XPO5: variants seen among roughly 807,000 people sequenced by gnomAD.
XPO5 encodes the protein exportin-5.
In XPO5, 46 loss-of-function variants were observed where a neutral mutation model predicts 160.6. That is an observed-to-expected ratio of 0.29 (90% CI 0.23 to 0.37). The LOEUF is 0.37. Ranked by LOEUF, XPO5 falls within the 10% of genes least tolerant of loss-of-function variation. XPO5 has a pLI of 1.00. For synonymous variants in XPO5, 537 were observed against 519.3 expected, an observed-to-expected ratio of 1.03 and a Z score of -0.46; for missense variants, 1,090 against 1,463.9, an observed-to-expected ratio of 0.74 and a Z score of 4.17.
intron 14 of XPO5, among the ~76,000 whole-genome samples, chr6:43,551,908 C>A (rs1200480351): frequency 6.6e-6 from 1 of 152,016 alleles, no homozygotes; most frequent in East Asian, 1.9e-4. Flanking sequence ...TTCAAGCATT[C>A]CTCCCATCTT....
chr6:43,548,347 T>A lies in XPO5; in HGVS notation c.1974A>T (p.Gln658His), dbSNP rs201873137. ...CCTTCTGACGCTCGTAGTTCTTAAA[T>A]TGGTTGCTAATGAGAACCAGGGCTT... ...LMEALVLISN[Q>H]FKNYERQKVF... The change falls in exon 18 of 32, where the codon CAA becomes CAT. Residue 658 changes from glutamine to histidine, a missense_variant. By Grantham distance (24) the Gln-to-His change is conservative. Transcript: ENST00000265351. 4 of 1,613,734 alleles carry A rather than the reference T, an allele frequency of 2.5e-6. No homozygotes were observed. The highest frequency in any genetic ancestry group is 3.4e-6 in the Non-Finnish European group (4 of 1,179,730).
chr6:43,524,627 C>T lies in XPO5; in HGVS notation c.3321G>A (p.Arg1107=). Residue 1107 remains arginine (R), a synonymous_variant, in exon 31 of 32, where the codon AGG becomes AGA. Coordinates refer to ENST00000265351, the MANE Select transcript of XPO5 (RefSeq NM_020750.3). ...CCATTACAGCTCTTATCTCCAGGTA[C>T]CTGGGGCGCTGATATCAGCAGGGAT... The part of the protein sequence containing the change: ...AFQIYEALRP[R]YLEIRAVMEQ... The T allele has an allele frequency of 6.2e-7, 1 of 1,613,792 alleles. No individual in the cohort carries two copies. The highest frequency in any genetic ancestry group is 1.3e-5 in the African/African-American group (1 of 75,022).
At chr6:43,542,653 T>A (rs1007294411) in intron 20 of XPO5, among the ~76,000 whole-genome samples, 1 of 152,090 alleles carries the variant, frequency 6.6e-6, no homozygotes, top group African/African-American at 2.4e-5. Context: ...CTCAAACTCA[T>A]GACCTCAAGT....
At chr6:43,558,937 G>A (rs1012946007) in intron 11 of XPO5, 3 of 193,214 alleles carry the variant, frequency 1.6e-5, no homozygotes, top group African/African-American at 7.0e-5. Flanking sequence ...ACTGAACACT[G>A]AGAATAAACT....
chr6:43,542,614 C>G (rs760587942), intron 20 of XPO5, among the ~76,000 whole-genome samples: 2 of 151,734 alleles, frequency 1.3e-5, no homozygotes, highest in Admixed American at 1.3e-4. Context: ...TGAGTAGAGA[C>G]GGGGTTTCAC....
intron 20 of XPO5, among the ~76,000 whole-genome samples, chr6:43,534,953 C>T (rs1296961329): frequency 1.3e-5 from 2 of 151,964 alleles, no homozygotes; most frequent in Non-Finnish European, 2.9e-5. Context: ...CGAGATCATA[C>T]CACTGCACTC....
chr6:43,540,582 G>A (rs1278006983), intron 20 of XPO5, among the ~76,000 whole-genome samples: 4 of 152,242 alleles, frequency 2.6e-5, no homozygotes, highest in African/African-American at 9.6e-5. Flanking sequence ...GAACCTGGGA[G>A]GTAGAGGTTG....
intron 16 of XPO5, 139 bp downstream of exon 16, chr6:43,549,754 T>G: frequency 8.7e-7 from 1 of 1,152,772 alleles, no homozygotes; most frequent in Non-Finnish European, 1.2e-6. Context: ...GTATGCCCTA[T>G]AGTGGCAAAA....
chr6:43,533,883 G>A (rs1161593959), intron 21 of XPO5, 24 bp downstream of exon 21: 1 of 1,542,104 alleles, frequency 6.5e-7, no homozygotes, highest in East Asian at 2.4e-5. Flanking sequence ...TAAACCTTAG[G>A]AGAAAAAAGG....
chr6:43,526,784 G>GTTTTCC, intron 26 of XPO5, 37 bp from the exon 27 acceptor site: 6 of 1,603,770 alleles, frequency 3.7e-6, no homozygotes, highest in Non-Finnish European at 5.1e-6. Context: ...GTGAAGGGTG[G>GTTTTCC]GTATATACTA....
chr6:43,524,000 G>A lies in XPO5; in HGVS notation c.3483C>T (p.Pro1161=). 6.2e-7 allele frequency: 1 copy of A among 1,612,534 alleles called. No individual in the cohort carries two copies. Among genetic ancestry groups the A allele is most frequent in the Admixed American group, 1.7e-5 (1 of 60,000 alleles). Residue 1161 remains proline, a synonymous_variant, in exon 32 of 32, where the codon CCC becomes CCT. Coordinates refer to ENST00000265351, the MANE Select transcript of XPO5 (RefSeq NM_020750.3). ...CTTCTTTTCGGAACTGCTCTCCCAA[G>A]GGTTTCTGTGGAAAACAAATGAGAA... The part of the protein sequence containing the change: ...KRLIAGCIGK[P]LGEQFRKEVH...
At chr6:43,572,411 A>C in intron 3 of XPO5, 95 bp downstream of exon 3, 1 of 1,203,732 alleles carries the variant, frequency 8.3e-7, no homozygotes, top group Non-Finnish European at 1.2e-6. Flanking sequence ...TGACCTATTT[A>C]GAAGCAGTGA....
intron 9 of XPO5, chr6:43,561,607 G>C (rs529007115): frequency 6.5e-6 from 1 of 153,098 alleles, no homozygotes; most frequent in South Asian, 2.0e-4. Flanking sequence ...TCAAACTCTT[G>C]ACCTCAGGTG....
At chr6:43,553,645 A>T (rs917582479) in intron 13 of XPO5, 142 bp from the exon 14 acceptor site, 1 of 1,403,836 alleles carries the variant, frequency 7.1e-7, no homozygotes, top group South Asian at 1.6e-5. Context: ...GGGTAATCTA[A>T]CCCCTCTCAG....
At chr6:43,534,159 C>T (rs1184656336) in intron 20 of XPO5, among the ~76,000 whole-genome samples, 152 bp from the exon 21 acceptor site, 2 of 152,156 alleles carry the variant, frequency 1.3e-5, no homozygotes, top group African/African-American at 4.8e-5. Flanking sequence ...TATCTGAATG[C>T]TCGCTGGAGG....
intron 15 of XPO5, 48 bp from the exon 16 acceptor site, chr6:43,549,982 G>T: frequency 2.5e-6 from 4 of 1,585,844 alleles, no homozygotes; most frequent in Non-Finnish European, 3.4e-6. Context: ...TTGTTTTAGA[G>T]ATGAGATCTT....
At chr6:43,549,095 C>T (rs1795104687) in intron 17 of XPO5, among the ~76,000 whole-genome samples, 1 of 152,130 alleles carries the variant, frequency 6.6e-6, no homozygotes, top group African/African-American at 2.4e-5. Flanking sequence ...GATGGAGTTT[C>T]GCTCGTTGCC....
intron 7 of XPO5, among the ~76,000 whole-genome samples, chr6:43,566,201 T>G (rs907696322): frequency 6.6e-6 from 1 of 152,172 alleles, no homozygotes; most frequent in Non-Finnish European, 1.5e-5. Flanking sequence ...GAGACCAGCC[T>G]GGCCAACATA....
intron 20 of XPO5, 22 bp from the exon 21 acceptor site, chr6:43,534,029 T>C (rs200617861): frequency 1.1e-5 from 18 of 1,570,180 alleles, no homozygotes; most frequent in Middle Eastern, 3.4e-4. Context: ...AAGAATGCTA[T>C]TGAGCTTTTC....
Sources: gnomAD v4.1 joint callset for allele counts (sites outside exome capture counted in the v4.1 genomes callset) on GRCh38, gnomAD v4.1.1 for gene constraint, MANE v1.5 for transcripts, NCBI Gene and HGNC (gene_info 2026-07-23, HGNC 2026-07-21) for gene names.